Variants in LYRM4 observed in about 807,000 individuals in gnomAD.
LYRM4 encodes the protein LYR motif containing 4.
Under a neutral mutation model 11.7 loss-of-function variants are expected in LYRM4, and 9 were observed. The ratio of observed to expected loss-of-function variants is 0.77; its 90% confidence interval spans 0.46 to 1.34. LYRM4 has a LOEUF of 1.34. LYRM4 is among the 40% of genes most tolerant of loss of function. The pLI is 0.00. For synonymous variants in LYRM4, 42 were observed against 40.4 expected (o/e 1.04, Z -0.15); for missense variants, 133 against 112.5 (o/e 1.18, Z -0.82).
At chr6:5,049,830 T>A in the LYRM4 span, among the ~76,000 whole-genome samples, 5 of 152,126 alleles carry the variant, frequency 3.3e-5, no homozygotes, top group African/African-American at 1.2e-4. Flanking sequence ...CCACCATCCC[T>A]GGCTAATTTT....
chr6:5,182,063 A>G (rs1483084604), intron 2 of LYRM4, among the ~76,000 whole-genome samples: 1 of 152,226 alleles, frequency 6.6e-6, no homozygotes, highest in Non-Finnish European at 1.5e-5. Context: ...AGTAAACTTT[A>G]TAACAAATGA....
In LYRM4 at chr6:5,116,208, T is replaced by A. The variant is rs142411260; in HGVS notation, c.208-6717A>T. On this transcript the variant is annotated intron_variant, in intron 2 of 2. Coordinates refer to ENST00000330636, the MANE Select transcript of LYRM4 (RefSeq NM_020408.6). ...TACAGAACTGATGAAGACAAGTGAA[T>A]AAAAACAGCGGTAGGACCATTTACT... Among the ~76,000 whole-genome samples, 16 of 152,234 alleles carry A rather than the reference T, an allele frequency of 1.1e-4. No individual in the cohort carries two copies. In the East Asian group the frequency reaches 3.1e-3, roughly 29 times the overall value.
intron 2 of LYRM4, among the ~76,000 whole-genome samples, chr6:5,159,313 T>C (rs1249504354): frequency 6.6e-6 from 1 of 152,018 alleles, no homozygotes; most frequent in Non-Finnish European, 1.5e-5. Context: ...GGGACAAGCC[T>C]AGAAGGGGCT....
Position 5,236,238 on chromosome 6 carries a change from G to C in LYRM4, c.87-19500C>G, listed in dbSNP as rs1190143976. On this transcript the variant is annotated intron_variant, in intron 1 of 2. Transcript: ENST00000330636. ...CCAGCACCTTGGGAGGCCGAGGCGG[G>C]TGGATTACCTGAGATCAGGAGTTTG... 9 of 152,348 alleles carry C rather than the reference G, an allele frequency of 5.9e-5. No individual in the cohort carries two copies. The East Asian group carries it at 1.5e-3, about 26-fold the overall frequency. The allele number at this position is 152,348 out of a possible 1,614,324, so 9.4% of individuals were successfully genotyped here.
chr6:5,100,293 G>A (rs1762460079), downstream of LYRM4, among the ~76,000 whole-genome samples: 1 of 152,174 alleles, frequency 6.6e-6, no homozygotes, highest in Admixed American at 6.5e-5. Context: ...GGCCTCTCCA[G>A]GGCCTGGAAG....
chr6:5,097,791 C>T, the LYRM4 span, among the ~76,000 whole-genome samples: 2 of 152,222 alleles, frequency 1.3e-5, no homozygotes, highest in African/African-American at 4.8e-5. Context: ...GACAAATATT[C>T]AAACCACCGC....
intron 2 of LYRM4, among the ~76,000 whole-genome samples, chr6:5,162,380 T>C (rs915241205): frequency 2.6e-5 from 4 of 152,220 alleles, no homozygotes; most frequent in African/African-American, 9.6e-5. Flanking sequence ...TTGCTCCTCA[T>C]ATGTCCCTTC....
the LYRM4 span, among the ~76,000 whole-genome samples, chr6:5,034,856 G>T: frequency 8.4e-3 from 1,244 of 148,036 alleles, 15 homozygotes; most frequent in African/African-American, 0.03. Context: ...CTCAGCTAGT[G>T]CTGACTGGCT....
chr6:5,237,670 G>C (rs1457571884), intron 1 of LYRM4, among the ~76,000 whole-genome samples: 2 of 152,076 alleles, frequency 1.3e-5, no homozygotes, highest in Non-Finnish European at 2.9e-5. Flanking sequence ...ACTTATGAAG[G>C]ATTGCCTAAA....
chr6:5,222,002 T>A (rs900866462), intron 1 of LYRM4, among the ~76,000 whole-genome samples: 1 of 152,174 alleles, frequency 6.6e-6, no homozygotes, highest in Admixed American at 6.5e-5. Flanking sequence ...TAGTGTATAA[T>A]CAAATGGATC....
chr6:5,100,052 T>C (rs1762452093), downstream of LYRM4, among the ~76,000 whole-genome samples: 1 of 152,232 alleles, frequency 6.6e-6, no homozygotes, highest in African/African-American at 2.4e-5. Context: ...ATCTTGGACC[T>C]GTCGTGGCTC....
At chr6:5,188,686 G>A (rs1306620528) in intron 2 of LYRM4, among the ~76,000 whole-genome samples, 1 of 152,158 alleles carries the variant, frequency 6.6e-6, no homozygotes, top group Non-Finnish European at 1.5e-5. Context: ...ACTATTGGAG[G>A]ATTAAATGAG....
intron 2 of LYRM4, among the ~76,000 whole-genome samples, chr6:5,134,995 C>T (rs562770485): frequency 1.5e-5 from 2 of 130,680 alleles, no homozygotes; most frequent in South Asian, 5.2e-4. Context: ...GTGGAGGGTG[C>T]GGATCGCTCC....
At chr6:5,128,753 C>G (rs551761259) in intron 2 of LYRM4, among the ~76,000 whole-genome samples, 4 of 152,332 alleles carry the variant, frequency 2.6e-5, no homozygotes, top group South Asian at 4.1e-4. Context: ...ATATGAACTA[C>G]TACATGGGGT....
chr6:5,244,797 C>T (rs959502978), intron 1 of LYRM4, among the ~76,000 whole-genome samples: 6 of 151,750 alleles, frequency 4.0e-5, no homozygotes, highest in East Asian at 1.9e-4. Context: ...GGCCCATCTG[C>T]GCTGACTGTG....
At chr6:5,048,390 C>T in the LYRM4 span, among the ~76,000 whole-genome samples, 5 of 151,442 alleles carry the variant, frequency 3.3e-5, no homozygotes, top group Non-Finnish European at 4.4e-5. Context: ...ATCATATTCA[C>T]TGAAACCTCC....
intron 2 of LYRM4, among the ~76,000 whole-genome samples, chr6:5,214,998 G>C (rs1346540001): frequency 6.6e-6 from 1 of 152,122 alleles, no homozygotes; most frequent in Non-Finnish European, 1.5e-5. Context: ...TCTGTCCTGG[G>C]AGGGGAACTC....
intron 1 of LYRM4, among the ~76,000 whole-genome samples, chr6:5,260,049 CTCTG>C (rs1295029880): frequency 5.3e-5 from 8 of 152,234 alleles, no homozygotes; most frequent in Admixed American, 1.3e-4. Flanking sequence ...TAAGCGGGAT[CTCTG>C]TCTGGTGAGC....
rs1757887207 is a variant in LYRM4, at chr6:5,148,486, A to G, written c.208-38995T>C. On this transcript the variant is annotated intron_variant, in intron 2 of 2. Transcript: ENST00000330636. ...TGAGCTGGGCTGAGGGGGCAGAGTT[A>G]GAACTCTGTATCGTAATCCTGAGCT... Among the ~76,000 whole-genome samples the G allele has an allele frequency of 2.6e-5, 4 of 152,258 alleles. No homozygotes were observed. The South Asian group carries it at 6.2e-4, about 24-fold the overall frequency.
Sources: allele counts gnomAD v4.1 joint callset (sites outside exome capture counted in the v4.1 genomes callset), GRCh38; gene constraint gnomAD v4.1.1; transcripts MANE v1.5; gene names NCBI Gene and HGNC (gene_info 2026-07-23, HGNC 2026-07-21).